Variants in ZNF709 observed in about 807,000 individuals in gnomAD.
ZNF709 encodes zinc finger protein 709.
Under a neutral mutation model 10.6 loss-of-function variants are expected in ZNF709, and 15 were observed. That is an observed-to-expected ratio of 1.41 (90% CI 0.95 to 2.18). The LOEUF (loss-of-function observed/expected upper bound fraction) is 2.18, where lower values mean the gene tolerates loss of function less well. Among genes scored for constraint, ZNF709 ranks in the 30% most tolerant of loss-of-function variants. The pLI, the probability that ZNF709 is intolerant of heterozygous loss-of-function variation, is 0.00. For missense variants in ZNF709, 589 were observed against 774.0 expected, an observed-to-expected ratio of 0.76 and a Z score of 2.84; for synonymous variants, 194 against 238.8, an observed-to-expected ratio of 0.81 and a Z score of 1.73.
rs1173252039 is a variant in ZNF709 at position 12,463,378 on chromosome 19, G to C, written c.*618C>G. On this transcript the variant is annotated 3_prime_UTR_variant, in exon 4 of 4. Coordinates refer to ENST00000397732, the MANE Select transcript of ZNF709 (RefSeq NM_152601.4). ...TTTTTCTACATTTTTTACATTTATAGGGTTTTCCACATTCTTTACATTTTT... is the reference window on the plus strand; with the variant it reads ...TTTTTCTACATTTTTTACATTTATACGGTTTTCCACATTCTTTACATTTTT... 6.6e-6 allele frequency: 1 copy of C among 152,232 alleles called. No homozygotes were observed. The highest frequency in any genetic ancestry group is 1.9e-4 in the East Asian group (1 of 5,190). 9.4% of individuals were successfully genotyped at this position (152,232 alleles called of 1,614,324 possible).
chr19:12,466,421 T>C, intron 3 of ZNF709, 41 bp downstream of exon 3: 1 of 1,550,100 alleles, frequency 6.5e-7, no homozygotes, highest in East Asian at 2.3e-5. Context: ...ATGCTAAGAT[T>C]CTCTCATAAG....
In ZNF709 at chr19:12,464,723, G is replaced by C. The variant is rs761336029; in HGVS notation, c.1199C>G (p.Ala400Gly). Residue 400 changes from alanine (A) to glycine (G), a missense_variant, in exon 4 of 4, where the codon GCC becomes GGC. Physicochemically the swap from Ala to Gly is moderately conservative, Grantham distance 60 (BLOSUM62 0). Transcript: ENST00000397732. The part of the protein sequence containing the change: ...KPYECKQCGK[A>G]FSCSSSFRMH... ...TCGAAAGGAACTGGAACAACTGAAGGCTTTACCACACTGTTTACATTCATA... is the reference window on the plus strand; with the variant it reads ...TCGAAAGGAACTGGAACAACTGAAGCCTTTACCACACTGTTTACATTCATA... The C allele has an allele frequency of 3.1e-6, 5 of 1,613,800 alleles. No individual in the cohort carries two copies. The highest frequency in any genetic ancestry group is 4.2e-6 in the Non-Finnish European group (5 of 1,179,844).
chr19:12,478,829 T>C (rs1970697567), intron 1 of ZNF709, among the ~76,000 whole-genome samples: 1 of 152,176 alleles, frequency 6.6e-6, no homozygotes, highest in African/African-American at 2.4e-5. Context: ...TCCCAGACTT[T>C]TTCAGCTTGC....
Position 12,462,873 on chromosome 19 carries a change from T to C in ZNF709, c.*1123A>G, listed in dbSNP as rs1970529169. 6.6e-6 allele frequency: 1 copy of C among 152,232 alleles called. No individual in the cohort carries two copies. Among genetic ancestry groups the C allele is most frequent in the African/African-American group, 2.4e-5 (1 of 41,468 alleles). The allele number at this position is 152,232 out of a possible 1,614,324, so 9.4% of individuals were successfully genotyped here. A position where few individuals can be genotyped will look rare whatever the true frequency, so the allele number is the denominator to read the frequency against. On this transcript the variant is annotated 3_prime_UTR_variant, in exon 4 of 4. Coordinates refer to ENST00000397732, the MANE Select transcript of ZNF709 (RefSeq NM_152601.4). ...GGAAAGACAAAATTTCAGAAACTGA[T>C]TTAATGAAAAAATACTATCAATTCA...
At position 12,463,912 on chromosome 19, in the gene ZNF709, G is replaced by A. The variant is rs1970537911; in HGVS notation, c.*84C>T. On this transcript the variant is annotated 3_prime_UTR_variant, in exon 4 of 4. Transcript: ENST00000397732. ...ACTGCACTCCAGCCAGGGCAACAGA[G>A]TGAGAATTCAACTCAAAAAAAAAAA... The A allele has an allele frequency of 1.7e-6, 2 of 1,189,044 alleles. No individual in the cohort carries two copies. Among genetic ancestry groups the A allele is most frequent in the East Asian group, 2.7e-5 (1 of 37,688 alleles). The allele number at this position is 1,189,044 out of a possible 1,614,324, so 73.7% of individuals were successfully genotyped here. A position where few individuals can be genotyped will look rare whatever the true frequency, so the allele number is the denominator to read the frequency against.
rs71166684 is a variant in ZNF709, at chr19:12,475,257, T to TAAA, written c.4-8410_4-8408dup. Among the ~76,000 whole-genome samples the TAAA allele has an allele frequency of 4.8e-3, 215 of 44,692 alleles. 8 individuals are homozygous for TAAA. The highest frequency in any genetic ancestry group is 0.015 in the African/African-American group (184 of 12,330). The allele number at this position is 44,692 out of a possible 152,430, so 29.3% of individuals were successfully genotyped here. Reference sequence around the variant, plus strand: ...TGGGCAACAGAGTGAGATTCCGTCTTAAAAAAAAAAAAAAAAAAAAAAAAA... The same window carrying TAAA: ...TGGGCAACAGAGTGAGATTCCGTCTTAAAAAAAAAAAAAAAAAAAAAAAAAAAA... On this transcript the variant is annotated intron_variant, in intron 1 of 3. Coordinates refer to ENST00000397732, the MANE Select transcript of ZNF709 (RefSeq NM_152601.4).
chr19:12,463,036 G>A lies in ZNF709; in HGVS notation c.*960C>T, dbSNP rs551429426. 6.6e-6 allele frequency: 1 copy of A among 152,302 alleles called. No homozygotes were observed. Among genetic ancestry groups the A allele is most frequent in the Non-Finnish European group, 1.5e-5 (1 of 68,022 alleles). The allele number at this position is 152,302 out of a possible 1,614,324, so 9.4% of individuals were successfully genotyped here. On this transcript the variant is annotated 3_prime_UTR_variant, in exon 4 of 4. Coordinates refer to ENST00000397732, the MANE Select transcript of ZNF709 (RefSeq NM_152601.4). Reference sequence around the variant, plus strand: ...ATATGTTTTATCACATTTCTGACATGTTGTGAATTTTCTAGAACAATATAC... The same window carrying A: ...ATATGTTTTATCACATTTCTGACATATTGTGAATTTTCTAGAACAATATAC...
At chr19:12,472,249 C>T (rs780985941) in intron 1 of ZNF709, among the ~76,000 whole-genome samples, 2 of 152,106 alleles carry the variant, frequency 1.3e-5, no homozygotes, top group Non-Finnish European at 2.9e-5. Flanking sequence ...AGGCCAGGCA[C>T]GGTGGCTCAC....
chr19:12,467,670 G>C (rs1599632481), intron 1 of ZNF709, among the ~76,000 whole-genome samples: 1 of 151,464 alleles, frequency 6.6e-6, no homozygotes, highest in African/African-American at 2.4e-5. Flanking sequence ...GCCTCTTCCC[G>C]GCCGCCATCA....
chr19:12,475,220 T>G (rs999683751), intron 1 of ZNF709, among the ~76,000 whole-genome samples: 2 of 132,876 alleles, frequency 1.5e-5, no homozygotes, highest in African/African-American at 5.7e-5. Context: ...ATCGCACCAC[T>G]GTACTCCAGC....
At chr19:12,483,126 C>T (rs537618611) in intron 1 of ZNF709, among the ~76,000 whole-genome samples, 2 of 152,058 alleles carry the variant, frequency 1.3e-5, no homozygotes, top group South Asian at 4.2e-4. Flanking sequence ...CAATATCATA[C>T]TGGGATATTT....
Position 12,466,932 on chromosome 19 carries a change from A to G in ZNF709, c.4-82T>C, listed in dbSNP as rs554707661. ...TAAACTCAGTTCATTAAAAGTTCAT[A>G]TATAATTTTCTCCATTTATCCTGTA... On this transcript the variant is annotated intron_variant, in intron 1 of 3. Coordinates refer to ENST00000397732, the MANE Select transcript of ZNF709 (RefSeq NM_152601.4). The G allele has an allele frequency of 1.5e-5, 23 of 1,502,652 alleles. No individual in the cohort carries two copies. The African/African-American group carries it at 3.2e-4, about 21-fold the overall frequency. The allele number at this position is 1,502,652 out of a possible 1,614,324, so 93.1% of individuals were successfully genotyped here.
chr19:12,473,997 G>A (rs1454506625), intron 1 of ZNF709, among the ~76,000 whole-genome samples: 2 of 152,240 alleles, frequency 1.3e-5, no homozygotes, highest in Non-Finnish European at 2.9e-5. Context: ...AGTGAGCCAC[G>A]ATTGTGCCAT....
At chr19:12,467,429 T>G (rs1030283486) in intron 1 of ZNF709, among the ~76,000 whole-genome samples, 1 of 152,210 alleles carries the variant, frequency 6.6e-6, no homozygotes, top group African/African-American at 2.4e-5. Flanking sequence ...AGACGGAGTC[T>G]CGTTCACTCA....
At chr19:12,483,538 TA>T (rs1304356131) in intron 1 of ZNF709, among the ~76,000 whole-genome samples, 1 of 151,900 alleles carries the variant, frequency 6.6e-6, no homozygotes, top group Non-Finnish European at 1.5e-5. Context: ...TATTTTATTT[TA>T]TTTTTTTATT....
At chr19:12,466,987 C>T (rs1001964358) in intron 1 of ZNF709, 137 bp from the exon 2 acceptor site, 5 of 1,275,864 alleles carry the variant, frequency 3.9e-6, no homozygotes, top group Admixed American at 5.5e-5. Context: ...AATCTTCGTC[C>T]ACACTTACTT....
intron 1 of ZNF709, among the ~76,000 whole-genome samples, chr19:12,481,910 T>TAA (rs34258868): frequency 3.0e-4 from 36 of 118,198 alleles, no homozygotes; most frequent in Admixed American, 8.6e-4. Flanking sequence ...GACACTGACT[T>TAA]AAAAAAAAAA....
At chr19:12,479,377 G>A (rs749895463) in intron 1 of ZNF709, among the ~76,000 whole-genome samples, 2 of 152,172 alleles carry the variant, frequency 1.3e-5, no homozygotes, top group Non-Finnish European at 2.9e-5. Context: ...GACTGGACCA[G>A]AATATGCTGG....
At chr19:12,465,800 T>C (rs1970565405) in intron 3 of ZNF709, 67 bp from the exon 4 acceptor site, 1 of 1,233,872 alleles carries the variant, frequency 8.1e-7, no homozygotes, top group Non-Finnish European at 1.1e-6. Flanking sequence ...TTTATAATTA[T>C]TGATTATTTC....
Sources: allele counts gnomAD v4.1 joint callset (sites outside exome capture counted in the v4.1 genomes callset), GRCh38; gene constraint gnomAD v4.1.1; transcripts MANE v1.5; gene names NCBI Gene and HGNC (gene_info 2026-07-23, HGNC 2026-07-21).